GATB: variants seen among roughly 807,000 people sequenced by gnomAD.
The protein encoded by GATB is glutamyl-tRNA amidotransferase subunit B, also known as glutamyl-tRNA(Gln) amidotransferase subunit B, mitochondrial.
In GATB, 39 loss-of-function variants were observed where a neutral mutation model predicts 62.3. The observed-to-expected ratio is 0.63, with a 90% CI of 0.48 to 0.82. The LOEUF (loss-of-function observed/expected upper bound fraction) is 0.82. Ranked by LOEUF, GATB falls within the 40% of genes least tolerant of loss-of-function variation. The pLI is 0.00. For synonymous variants in GATB, 276 were observed against 258.9 expected, an observed-to-expected ratio of 1.07 and a Z score of -0.63; for missense variants, 670 against 684.0, an observed-to-expected ratio of 0.98 and a Z score of 0.23.
intron 2 of GATB, among the ~76,000 whole-genome samples, chr4:151,749,015 G>T (rs1464830280): frequency 2.0e-5 from 3 of 152,206 alleles, no homozygotes; most frequent in African/African-American, 7.2e-5. Context: ...AACAACAGGT[G>T]CTGGAGAGGA....
At position 151,716,076 on chromosome 4, in the gene GATB, C is replaced by T. The variant is rs35487764; in HGVS notation, c.696G>A (p.Ala232=). The T allele has an allele frequency of 0.011, 17,130 of 1,613,880 alleles. 172 individuals are homozygous for T. The highest frequency in any genetic ancestry group is 0.011 in the Non-Finnish European group (12,795 of 1,179,924). Residue 232 remains alanine, a synonymous_variant, in exon 5 of 13, where the codon GCG becomes GCA. Transcript: ENST00000263985. ...GCTGCAGCTCCCTGACAGCTGTTGC[C>T]GCCTCTTCTCCACAGGACATGTCGG... is the stretch of plus-strand genomic sequence containing the variant. ...LEPDMSCGEE[A]ATAVRELQLI...
chr4:151,691,829 C>G (rs185461414), intron 9 of GATB: 2 of 152,420 alleles, frequency 1.3e-5, no homozygotes, highest in African/African-American at 2.4e-5. Flanking sequence ...ATAGAGCCAG[C>G]TGCCCAGTGG....
chr4:151,701,629 C>T (rs1406203784), intron 8 of GATB, 111 bp from the exon 9 acceptor site: 2 of 718,430 alleles, frequency 2.8e-6, no homozygotes. Flanking sequence ...ATGTTACTTG[C>T]AAATATTTTC....
At chr4:151,740,272 A>G (rs138334876) in intron 2 of GATB, among the ~76,000 whole-genome samples, 2,231 of 152,310 alleles carry the variant, frequency 0.015, 31 homozygotes, top group Non-Finnish European at 0.022. Flanking sequence ...ATGTTCTGAG[A>G]AATGCCTTGT....
rs1459150944 is a variant in GATB at position 151,756,579 on chromosome 4, G to A, written c.327+2193C>T. On this transcript the variant is annotated intron_variant, in intron 2 of 12. Coordinates refer to ENST00000263985, the MANE Select transcript of GATB (RefSeq NM_004564.3). ...TTAAACCATAAGCGTTGTAGGCTCT[G>A]AAGAGGAAAACAAATCCTAGCTCAT... Among the ~76,000 whole-genome samples, 5 of 152,190 alleles carry A rather than the reference G, an allele frequency of 3.3e-5. No individual in the cohort carries two copies. In the East Asian group the frequency reaches 9.6e-4, roughly 29 times the overall value.
intron 10 of GATB, among the ~76,000 whole-genome samples, chr4:151,684,248 A>G (rs1165004325): frequency 6.6e-6 from 1 of 152,248 alleles, no homozygotes; most frequent in Admixed American, 6.5e-5. Context: ...ACAGCTGGAT[A>G]GCTGTACCTG....
intron 2 of GATB, among the ~76,000 whole-genome samples, chr4:151,735,736 GTATATATA>G (rs137893198): frequency 1.9e-5 from 2 of 104,064 alleles, no homozygotes; most frequent in Admixed American, 9.1e-5. Flanking sequence ...AAACTGTGGT[GTATATATA>G]TATATATATA....
chr4:151,704,036 C>A, intron 7 of GATB, 141 bp from the exon 8 acceptor site: 2 of 553,348 alleles, frequency 3.6e-6, no homozygotes, highest in Non-Finnish European at 6.5e-6. Context: ...TAAATGAATA[C>A]ATTCAAAAAA....
intron 10 of GATB, among the ~76,000 whole-genome samples, chr4:151,682,796 C>T (rs1354030464): frequency 6.6e-6 from 1 of 152,264 alleles, no homozygotes; most frequent in Admixed American, 6.5e-5. Flanking sequence ...AGAAGGAAGA[C>T]ATTGGGACTT....
At position 151,758,783 on chromosome 4, in the gene GATB, C is replaced by A; in HGVS notation, c.316G>T (p.Gly106Ter). ...LVSFFDASLP[G>*]TLPVLNRRCV... ...AATAAGAATCTTACCGGCAAAGTTC[C>A]AGGTAGAGATGCATCAAAAAAAGAA... Residue 106 changes from glycine to a stop codon, truncating the protein, a stop_gained, in exon 2 of 13, where the codon GGA becomes TGA. Coordinates refer to ENST00000263985, the MANE Select transcript of GATB (RefSeq NM_004564.3). LOFTEE classifies it high-confidence loss of function. 1 of 1,581,054 alleles carries A rather than the reference C, an allele frequency of 6.3e-7. No homozygotes were observed. Among genetic ancestry groups the A allele is most frequent in the South Asian group, 1.2e-5 (1 of 82,874 alleles).
At chr4:151,731,569 G>A (rs1171326640) in intron 2 of GATB, among the ~76,000 whole-genome samples, 1 of 152,120 alleles carries the variant, frequency 6.6e-6, no homozygotes, top group Admixed American at 6.5e-5. Context: ...TCTCTGCCTG[G>A]CCACCCATCG....
chr4:151,695,862 A>G (rs1280709159), intron 9 of GATB, among the ~76,000 whole-genome samples: 1 of 151,782 alleles, frequency 6.6e-6, no homozygotes, highest in African/African-American at 2.4e-5. Context: ...GGCTCGAGCA[A>G]TTCTCCCACC....
At chr4:151,685,472 G>A (rs1055541631) in intron 10 of GATB, among the ~76,000 whole-genome samples, 3 of 152,096 alleles carry the variant, frequency 2.0e-5, no homozygotes, top group African/African-American at 7.2e-5. Context: ...CTCAGCTCTG[G>A]CTCTGCACAC....
chr4:151,736,246 T>C (rs1739370596), intron 2 of GATB, among the ~76,000 whole-genome samples: 1 of 152,196 alleles, frequency 6.6e-6, no homozygotes, highest in Admixed American at 6.5e-5. Context: ...ACAGTATCTA[T>C]AGAAAAGTAT....
intron 6 of GATB, among the ~76,000 whole-genome samples, chr4:151,707,579 C>CACT (rs1578913897): frequency 6.6e-6 from 1 of 152,306 alleles, no homozygotes; most frequent in East Asian, 1.9e-4. Flanking sequence ...AGGCATGAGG[C>CACT]ACTGTGCCTG....
Position 151,758,824 on chromosome 4 carries a change from G to A in GATB, c.275C>T (p.Pro92Leu), listed in dbSNP as rs112919678. 1.5e-5 allele frequency: 24 copies of A among 1,610,146 alleles called. No homozygotes were observed. In the African/African-American group the frequency reaches 1.6e-4, roughly 11 times the overall value. Residue 92 changes from proline (P) to leucine (L), a missense_variant, in exon 2 of 13, where the codon CCT becomes CTT. Pro to Leu is a moderately conservative substitution (Grantham distance 98, BLOSUM62 -3). Coordinates refer to ENST00000263985, the MANE Select transcript of GATB (RefSeq NM_004564.3). Reference protein sequence around the residue: ...FSGSQVRFSAPPNSLVSFFDA... With the variant: ...FSGSQVRFSALPNSLVSFFDA... Reference sequence around the variant, plus strand: ...AAAAAAAGAAACCAAAGAATTTGGAGGTGCTGAAAAGCGAACTTGAGATCC... The same window carrying A: ...AAAAAAAGAAACCAAAGAATTTGGAAGTGCTGAAAAGCGAACTTGAGATCC...
At chr4:151,678,577 C>T (rs542017820) in intron 11 of GATB, among the ~76,000 whole-genome samples, 5 of 152,042 alleles carry the variant, frequency 3.3e-5, no homozygotes, top group Non-Finnish European at 7.4e-5. Flanking sequence ...CTTTCCTAAA[C>T]GCGGTGAGGT....
intron 11 of GATB, among the ~76,000 whole-genome samples, chr4:151,679,337 ATTT>A (rs1738087708): frequency 6.6e-6 from 1 of 152,162 alleles, no homozygotes; most frequent in African/African-American, 2.4e-5. Context: ...TGTCTGTAAC[ATTT>A]TATCTACAAA....
In GATB at chr4:151,692,145, C is replaced by G. The variant is rs115828444; in HGVS notation, c.1198-3382G>C. The stretch of plus-strand genomic sequence containing the variant: ...ACATTACCTCAATTCATCCCAACAA[C>G]AACTCTCTGAGCTCAGCGCTCTCAG... On this transcript the variant is annotated intron_variant, in intron 9 of 12. Coordinates refer to ENST00000263985, the MANE Select transcript of GATB (RefSeq NM_004564.3). Among the ~76,000 whole-genome samples, 716 of 152,302 alleles carry G rather than the reference C, an allele frequency of 4.7e-3. 5 individuals carry two copies. Among genetic ancestry groups the G allele is most frequent in the African/African-American group, 0.016 (676 of 41,560 alleles).
Sources: gnomAD v4.1 joint callset for allele counts (sites outside exome capture counted in the v4.1 genomes callset) on GRCh38, gnomAD v4.1.1 for gene constraint, MANE v1.5 for transcripts, NCBI Gene and HGNC (gene_info 2026-07-23, HGNC 2026-07-21) for gene names.